Variants in ASAH2 observed in about 807,000 individuals in gnomAD.
ASAH2 encodes the protein N-acylsphingosine amidohydrolase 2, also known as neutral ceramidase.
In ASAH2, 58 loss-of-function variants were observed where a neutral mutation model predicts 82.9. The observed-to-expected ratio is 0.70, with a 90% confidence interval of 0.57 to 0.87. ASAH2 has a LOEUF of 0.87. ASAH2 is among the 40% of genes least tolerant of loss of function. The pLI, the probability that ASAH2 is intolerant of heterozygous loss-of-function variation, is 0.00. For missense variants in ASAH2, 779 were observed against 834.0 expected (o/e 0.93, Z 0.81); for synonymous variants, 276 against 289.7 (o/e 0.95, Z 0.48).
Position 50,199,158 on chromosome 10 carries a change from G to A in ASAH2, c.1762-12C>T. 1 of 1,612,894 alleles carries A rather than the reference G, an allele frequency of 6.2e-7. No individual in the cohort carries two copies. Among genetic ancestry groups the A allele is most frequent in the South Asian group, 1.1e-5 (1 of 91,066 alleles). ...TCATATCGCTGAGCCTGCAGGAAAG[G>A]CAGGGAGAGTTGTATATGGTTCTGC... On this transcript the variant is annotated splice_polypyrimidine_tract_variant and intron_variant, in intron 16 of 20. Transcript: ENST00000682911.
chr10:50,236,461 G>T (rs1246162464), intron 4 of ASAH2, among the ~76,000 whole-genome samples: 10 of 152,026 alleles, frequency 6.6e-5, no homozygotes, highest in Admixed American at 6.6e-4. Flanking sequence ...ACCTCCCATG[G>T]GGTCCCTCCC....
chr10:50,228,276 A>G (rs1159806221), intron 7 of ASAH2, among the ~76,000 whole-genome samples: 1 of 152,244 alleles, frequency 6.6e-6, no homozygotes, highest in Non-Finnish European at 1.5e-5. Flanking sequence ...ATGAGATGAA[A>G]AAAAGAGAAC....
At position 50,185,063 on chromosome 10, in the gene ASAH2, A is replaced by G. The variant is rs941389618; in HGVS notation, c.*2252T>C. ...TAACATGAGAAACAAAATCTCCAAAATTGTTCTCCTACCTACCCAATCTGC... is the reference window on the plus strand; with the variant it reads ...TAACATGAGAAACAAAATCTCCAAAGTTGTTCTCCTACCTACCCAATCTGC... On this transcript the variant is annotated 3_prime_UTR_variant, in exon 21 of 21. Transcript: ENST00000682911. 1 of 151,142 alleles carries G rather than the reference A, an allele frequency of 6.6e-6. No homozygotes were observed. The highest frequency in any genetic ancestry group is 2.4e-5 in the African/African-American group (1 of 41,000). 9.4% of individuals were successfully genotyped at this position (151,142 alleles called of 1,614,324 possible).
intron 1 of ASAH2, among the ~76,000 whole-genome samples, 171 bp from the exon 2 acceptor site, chr10:50,248,817 T>G (rs541111269): frequency 3.9e-5 from 6 of 152,324 alleles, no homozygotes; most frequent in African/African-American, 1.4e-4. Flanking sequence ...AATTACAGCA[T>G]TCTTTTTGAA....
At chr10:50,212,927 G>A in intron 10 of ASAH2, 45 bp downstream of exon 10, 1 of 1,548,336 alleles carries the variant, frequency 6.5e-7, no homozygotes, top group East Asian at 2.2e-5. Context: ...GGATTTTAAA[G>A]GACAATTTTA....
chr10:50,233,628 C>A (rs1249349579), intron 6 of ASAH2, among the ~76,000 whole-genome samples: 1 of 152,076 alleles, frequency 6.6e-6, no homozygotes, highest in African/African-American at 2.4e-5. Context: ...TTTGCAAAAT[C>A]AAAAGCATTC....
chr10:50,210,985 A>T (rs1845440383), intron 11 of ASAH2, 45 bp downstream of exon 11: 8 of 1,600,662 alleles, frequency 5.0e-6, no homozygotes, highest in Admixed American at 3.3e-5. Flanking sequence ...ATCAAACCAA[A>T]ACTTCACCCT....
chr10:50,220,181 G>T (rs1258713275), intron 7 of ASAH2, among the ~76,000 whole-genome samples: 1 of 152,146 alleles, frequency 6.6e-6, no homozygotes, highest in Non-Finnish European at 1.5e-5. Flanking sequence ...AACACAGATT[G>T]GGTGTCAGAT....
At chr10:50,222,347 T>C (rs1845772728) in intron 7 of ASAH2, among the ~76,000 whole-genome samples, 1 of 152,114 alleles carries the variant, frequency 6.6e-6, no homozygotes, top group Non-Finnish European at 1.5e-5. Context: ...GGTGCAATCA[T>C]GGCTCACTTC....
At chr10:50,197,814 A>G (rs1349019427) in intron 17 of ASAH2, among the ~76,000 whole-genome samples, 1 of 151,912 alleles carries the variant, frequency 6.6e-6, no homozygotes, top group Admixed American at 6.6e-5. Context: ...GGGAAGAACT[A>G]TAGACCTATG....
intron 7 of ASAH2, among the ~76,000 whole-genome samples, chr10:50,225,837 T>C (rs2133218720): frequency 6.6e-6 from 1 of 152,296 alleles, no homozygotes; most frequent in East Asian, 1.9e-4. Flanking sequence ...ACAATTGTAA[T>C]CTCAATACTT....
intron 7 of ASAH2, among the ~76,000 whole-genome samples, chr10:50,225,422 T>TAAAAATTA (rs1314210782): frequency 2.6e-5 from 4 of 151,848 alleles, no homozygotes; most frequent in African/African-American, 9.7e-5. Context: ...TGTCAAACAA[T>TAAAAATTA]AAAAATTAAA....
At chr10:50,195,912 G>A (rs1440780655) in intron 18 of ASAH2, among the ~76,000 whole-genome samples, 11 of 151,926 alleles carry the variant, frequency 7.2e-5, no homozygotes, top group African/African-American at 2.4e-4. Flanking sequence ...AGGTTAGGGG[G>A]TTGGGGAGGT....
In ASAH2 at chr10:50,243,433, A is replaced by G. The variant is rs138694357; in HGVS notation, c.361-82T>C. On this transcript the variant is annotated intron_variant, in intron 3 of 20. Transcript: ENST00000682911. ...CAGGCACAAACATACAATATAGACGACTGCAGAAAAACAAAGAAAAACATC... is the reference window on the plus strand; with the variant it reads ...CAGGCACAAACATACAATATAGACGGCTGCAGAAAAACAAAGAAAAACATC... 356 of 1,428,282 alleles carry G rather than the reference A, an allele frequency of 2.5e-4. No homozygotes were observed. The East Asian group carries it at 7.0e-3, about 28-fold the overall frequency. 88.5% of individuals were successfully genotyped at this position (1,428,282 alleles called of 1,614,324 possible).
intron 7 of ASAH2, among the ~76,000 whole-genome samples, chr10:50,227,970 G>A (rs1235587834): frequency 6.6e-6 from 1 of 152,132 alleles, no homozygotes. Flanking sequence ...CAGGAAGACA[G>A]CATCAAGCTT....
rs1425115941 is a variant in ASAH2, at chr10:50,204,941, G to A, written c.1545C>T (p.His515=). 1.2e-6 allele frequency: 2 copies of A among 1,610,088 alleles called. No individual in the cohort carries two copies. Among genetic ancestry groups the A allele is most frequent in the African/African-American group, 2.7e-5 (2 of 74,840 alleles). ...CATCAACAATGTCTGGATGCCAGGG[G>A]TGAGGTTTTGATAGCTGAGAACCCA... is the stretch of plus-strand genomic sequence containing the variant. ...LLHTGELSKP[H]PWHPDIVDVQ... Residue 515 remains histidine, a synonymous_variant, in exon 14 of 21, where the codon CAC becomes CAT. Coordinates refer to ENST00000682911, the MANE Select transcript of ASAH2 (RefSeq NM_019893.4).
intron 14 of ASAH2, 139 bp downstream of exon 14, chr10:50,204,722 G>A: frequency 1.5e-6 from 1 of 681,590 alleles, no homozygotes; most frequent in Non-Finnish European, 2.6e-6. Flanking sequence ...AAGAGGGTAG[G>A]AATATTTGCC....
At chr10:50,190,701 G>A (rs1844854458) in intron 19 of ASAH2, among the ~76,000 whole-genome samples, 1 of 142,546 alleles carries the variant, frequency 7.0e-6, no homozygotes, top group Admixed American at 7.2e-5. Context: ...GCATAATTAG[G>A]TACTGCATAC....
In ASAH2 at chr10:50,210,858, G is replaced by T. The variant is rs951803768; in HGVS notation, c.1379C>A (p.Thr460Asn). Reference sequence around the variant, plus strand: ...ATTGAGGCCTCCAACTCCATCAATAGTGCCAGCTGCAAAACTGTAGCCCAA... The same window carrying T: ...ATTGAGGCCTCCAACTCCATCAATATTGCCAGCTGCAAAACTGTAGCCCAA... ...PALGYSFAAG[T>N]IDGVGGLNFT... The change falls in exon 12 of 21, where the codon ACT (threonine) becomes AAT (asparagine). Residue 460 changes from threonine to asparagine, a missense_variant. Coordinates refer to ENST00000682911, the MANE Select transcript of ASAH2 (RefSeq NM_019893.4). 5,322 of 1,613,530 alleles carry T rather than the reference G, an allele frequency of 3.3e-3. 22 individuals carry two copies. The highest frequency in any genetic ancestry group is 3.9e-3 in the Non-Finnish European group (4,590 of 1,179,506).
Sources: allele counts gnomAD v4.1 joint callset (sites outside exome capture counted in the v4.1 genomes callset), GRCh38; gene constraint gnomAD v4.1.1; transcripts MANE v1.5; gene names NCBI Gene and HGNC (gene_info 2026-07-23, HGNC 2026-07-21).